CPNE8: variants seen among roughly 807,000 people sequenced by gnomAD.
The protein encoded by CPNE8 is copine 8.
A neutral mutation model predicts 81.5 loss-of-function variants in CPNE8; 45 were observed. The observed-to-expected ratio is 0.55, with a 90% CI of 0.44 to 0.71. The LOEUF is 0.71. Among genes scored for constraint, CPNE8 ranks in the 30% least tolerant of loss-of-function variants. The pLI, the probability that CPNE8 is intolerant of heterozygous loss-of-function variation, is 0.00. For synonymous variants in CPNE8, 252 were observed against 226.3 expected, an observed-to-expected ratio of 1.11 and a Z score of -1.02; for missense variants, 594 against 672.1, an observed-to-expected ratio of 0.88 and a Z score of 1.28.
chr12:38,796,903 A>T (rs536716773), intron 6 of CPNE8, among the ~76,000 whole-genome samples: 3 of 152,298 alleles, frequency 2.0e-5, no homozygotes, highest in East Asian at 3.9e-4. Flanking sequence ...TATCCCGCAC[A>T]TGGCTCAGAG....
upstream of CPNE8, chr12:38,905,768 G>C (rs548326442): frequency 6.3e-5 from 88 of 1,393,258 alleles, 1 homozygote; most frequent in South Asian, 3.9e-4. Context: ...TGGCGCGCGG[G>C]GATCCCGGTT....
At chr12:38,775,971 T>A (rs1941925048) in intron 7 of CPNE8, among the ~76,000 whole-genome samples, 1 of 152,206 alleles carries the variant, frequency 6.6e-6, no homozygotes, top group African/African-American at 2.4e-5. Flanking sequence ...CTTATACTAA[T>A]GCTTAAAAAG....
chr12:38,670,917 A>G (rs1176157099), intron 18 of CPNE8, 115 bp from the exon 19 acceptor site: 5 of 670,732 alleles, frequency 7.5e-6, no homozygotes, highest in Non-Finnish European at 1.0e-5. Flanking sequence ...GAAAAGACAG[A>G]AAGCATGTTG....
At chr12:38,728,825 A>G (rs770020708) in intron 11 of CPNE8, among the ~76,000 whole-genome samples, 12 of 152,200 alleles carry the variant, frequency 7.9e-5, no homozygotes, top group Non-Finnish European at 1.5e-4. Flanking sequence ...TCCTAAAATT[A>G]CTTGTACATA....
chr12:38,657,798 C>A (rs1213386005), intron 19 of CPNE8, among the ~76,000 whole-genome samples: 1 of 152,162 alleles, frequency 6.6e-6, no homozygotes, highest in African/African-American at 2.4e-5. Context: ...AAAAGACCTG[C>A]AGCTGAGGGA....
At chr12:38,866,985 A>T (rs970140928) in intron 3 of CPNE8, among the ~76,000 whole-genome samples, 1 of 151,998 alleles carries the variant, frequency 6.6e-6, no homozygotes, top group African/African-American at 2.4e-5. Context: ...CAACCTCCTG[A>T]GTAGCTAGAA....
rs185919682 is a variant in CPNE8, at chr12:38,741,242, G to T, written c.723-10884C>A. On this transcript the variant is annotated intron_variant, in intron 10 of 19. Transcript: ENST00000331366. ...TTCCCAAGTCAATCCTAAGCCAAAA[G>T]AACAAAGCTGGAGGCATCATGCTAC... Among the ~76,000 whole-genome samples, 1,062 of 152,228 alleles carry T rather than the reference G, an allele frequency of 7.0e-3. 4 individuals carry two copies. The highest frequency in any genetic ancestry group is 0.011 in the Non-Finnish European group (781 of 68,020).
At chr12:38,829,482 C>T (rs1943251045) in intron 5 of CPNE8, 27 bp from the exon 6 acceptor site, 18 of 1,490,180 alleles carry the variant, frequency 1.2e-5, no homozygotes, top group Non-Finnish European at 1.6e-5. Context: ...GATTAAAGCT[C>T]ATAAGTTTCC....
At chr12:38,902,900 T>C (rs1299374583) in intron 1 of CPNE8, among the ~76,000 whole-genome samples, 2 of 152,278 alleles carry the variant, frequency 1.3e-5, no homozygotes, top group South Asian at 2.1e-4. Context: ...TAACACTCTA[T>C]ATAAGGTAAA....
chr12:38,712,388 G>A (rs1488313242), intron 13 of CPNE8, among the ~76,000 whole-genome samples: 1 of 151,766 alleles, frequency 6.6e-6, no homozygotes, highest in East Asian at 1.9e-4. Context: ...ATATTTTTTA[G>A]TTTTTATGGA....
chr12:38,796,940 A>C (rs900920107), intron 6 of CPNE8, among the ~76,000 whole-genome samples: 2 of 152,162 alleles, frequency 1.3e-5, no homozygotes, highest in Non-Finnish European at 2.9e-5. Context: ...AGTCTCGCTG[A>C]TTGCTAGCAC....
intron 6 of CPNE8, among the ~76,000 whole-genome samples, chr12:38,793,917 T>A (rs1172209835): frequency 1.3e-5 from 2 of 152,022 alleles, no homozygotes; most frequent in East Asian, 3.8e-4. Context: ...TACACCCTAA[T>A]GTACATGATA....
intron 1 of CPNE8, among the ~76,000 whole-genome samples, chr12:38,902,381 A>G (rs7484585): frequency 1.0e-4 from 6 of 57,778 alleles, no homozygotes; most frequent in Admixed American, 1.8e-4. Context: ...AGAAAGAAAG[A>G]AAAGAAAGAA....
At chr12:38,723,452 T>C (rs1190037255) in intron 13 of CPNE8, among the ~76,000 whole-genome samples, 3 of 152,194 alleles carry the variant, frequency 2.0e-5, no homozygotes, top group Non-Finnish European at 4.4e-5. Flanking sequence ...TTTTCACCTA[T>C]ATTACAAATA....
At chr12:38,870,487 T>C (rs1259047358) in intron 3 of CPNE8, among the ~76,000 whole-genome samples, 1 of 152,146 alleles carries the variant, frequency 6.6e-6, no homozygotes, top group African/African-American at 2.4e-5. Flanking sequence ...TTCATGTCCT[T>C]TGCAGGGACA....
rs368591524 is a variant in CPNE8 at position 38,724,625 on chromosome 12, AT to A, written c.852+220del. 4.0e-3 allele frequency among the ~76,000 whole-genome samples: 604 copies of A among 152,272 alleles called. 3 individuals are homozygous for A. The highest frequency in any genetic ancestry group is 0.017 in the Middle Eastern group (5 of 294). ...TCTCAGAGGCCTTGCAGCCCCTAGG[AT>A]AATCTACAAGAAGCCAAGTCACTAC... On this transcript the variant is annotated intron_variant, in intron 12 of 19. Transcript: ENST00000331366.
At chr12:38,672,700 C>G (rs1939202322) in intron 18 of CPNE8, among the ~76,000 whole-genome samples, 1 of 152,126 alleles carries the variant, frequency 6.6e-6, no homozygotes, top group African/African-American at 2.4e-5. Context: ...TTTGAGAAAT[C>G]TTTCTTTATA....
Position 38,708,731 on chromosome 12 carries a change from T to C in CPNE8, c.915-5810A>G, listed in dbSNP as rs190153043. On this transcript the variant is annotated intron_variant, in intron 13 of 19. Transcript: ENST00000331366. The stretch of plus-strand genomic sequence containing the variant: ...AGATGTCAAGATGAGAATAATTTAC[T>C]AGCACAGCAAAGATCCACAGGAAGC... Among the ~76,000 whole-genome samples the C allele has an allele frequency of 4.9e-3, 746 of 152,236 alleles. 19 individuals are homozygous for C. Among genetic ancestry groups the C allele is most frequent in the Non-Finnish European group, 1.5e-3 (99 of 68,010 alleles).
intron 10 of CPNE8, among the ~76,000 whole-genome samples, chr12:38,734,829 A>T (rs1260771380): frequency 6.6e-6 from 1 of 152,102 alleles, no homozygotes; most frequent in Non-Finnish European, 1.5e-5. Flanking sequence ...AGCTTTAATC[A>T]AATTAATTTG....
Sources: gnomAD v4.1 joint callset for allele counts (sites outside exome capture counted in the v4.1 genomes callset) on GRCh38, gnomAD v4.1.1 for gene constraint, MANE v1.5 for transcripts, NCBI Gene and HGNC (gene_info 2026-07-23, HGNC 2026-07-21) for gene names.